Variants in MKLN1 observed in about 807,000 individuals in gnomAD.
MKLN1 encodes the protein muskelin.
A neutral mutation model predicts 99.0 loss-of-function variants in MKLN1; 18 were observed. The ratio of observed to expected loss-of-function variants is 0.18; its 90% CI spans 0.13 to 0.27. The LOEUF (loss-of-function observed/expected upper bound fraction) is 0.27, where lower values mean the gene tolerates loss of function less well. Among genes scored for constraint, MKLN1 ranks in the 10% least tolerant of loss-of-function variants. The pLI is 1.00. For synonymous variants in MKLN1, 288 were observed against 293.2 expected (o/e 0.98, Z 0.18); for missense variants, 621 against 875.9 (o/e 0.71, Z 3.67).
chr7:131,164,640 T>C (rs1371683457), intron 2 of MKLN1, among the ~76,000 whole-genome samples: 1 of 152,262 alleles, frequency 6.6e-6, no homozygotes, highest in East Asian at 1.9e-4. Context: ...TTGGCTTAAA[T>C]AGCTACATGG....
chr7:131,213,289 T>A (rs1796933644), intron 3 of MKLN1, among the ~76,000 whole-genome samples: 1 of 152,216 alleles, frequency 6.6e-6, no homozygotes, highest in African/African-American at 2.4e-5. Flanking sequence ...CCCAAAGAAC[T>A]AAGCCATTAC....
intron 11 of MKLN1, 109 bp from the exon 12 acceptor site, chr7:131,445,665 A>T: frequency 1.2e-6 from 1 of 820,230 alleles, no homozygotes; most frequent in Non-Finnish European, 1.9e-6. Flanking sequence ...CTCCATTGGG[A>T]TCTGTTATAA....
rs550352279 is a variant in MKLN1, at chr7:131,313,991, C to T, written c.-178-61433C>T. 4.6e-5 allele frequency among the ~76,000 whole-genome samples: 7 copies of T among 152,288 alleles called. No individual in the cohort carries two copies. In the South Asian group the frequency reaches 1.0e-3, roughly 23 times the overall value. On this transcript the variant is annotated intron_variant, in intron 3 of 7. Transcript: ENST00000416992. ...AACACTTTCATGGTGTACTTCAATA[C>T]AAAAACATTTCTCTAAGTATTTAAA...
chr7:131,361,595 CTT>C (rs200588778), intron 1 of MKLN1, among the ~76,000 whole-genome samples: 21 of 140,880 alleles, frequency 1.5e-4, no homozygotes, highest in South Asian at 2.2e-4. Context: ...TTCTGGCTTT[CTT>C]TTTTTTTTTT....
intron 10 of MKLN1, among the ~76,000 whole-genome samples, chr7:131,440,312 G>C (rs188949215): frequency 1.8e-4 from 27 of 152,302 alleles, no homozygotes; most frequent in Admixed American, 1.2e-3. Flanking sequence ...AGCCAGATGA[G>C]AGTCATAGAA....
At chr7:131,331,417 T>C (rs1799070894) in intron 1 of MKLN1, among the ~76,000 whole-genome samples, 1 of 152,256 alleles carries the variant, frequency 6.6e-6, no homozygotes, top group South Asian at 2.1e-4. Flanking sequence ...GAGATAAATA[T>C]TATTATTCTA....
chr7:131,244,150 AG>A (rs906058341), intron 3 of MKLN1, among the ~76,000 whole-genome samples: 3 of 152,186 alleles, frequency 2.0e-5, no homozygotes, highest in African/African-American at 7.2e-5. Context: ...TCTACTCCCC[AG>A]GGACCTGATG....
chr7:131,320,363 A>G (rs1191542924), intron 3 of MKLN1, among the ~76,000 whole-genome samples: 2 of 152,224 alleles, frequency 1.3e-5, no homozygotes, highest in East Asian at 1.9e-4. Context: ...TGCTGGGAAA[A>G]CTAGCTAGCC....
chr7:131,169,163 C>T (rs1796180206), intron 2 of MKLN1, among the ~76,000 whole-genome samples: 1 of 152,218 alleles, frequency 6.6e-6, no homozygotes, highest in African/African-American at 2.4e-5. Flanking sequence ...CCTCGCCCGG[C>T]CAGCCACCGT....
At chr7:131,210,980 C>A (rs1796897404) in intron 3 of MKLN1, among the ~76,000 whole-genome samples, 1 of 151,592 alleles carries the variant, frequency 6.6e-6, no homozygotes, top group Admixed American at 6.6e-5. Context: ...TATCTTCCAT[C>A]ACCATGGTGG....
intron 2 of MKLN1, among the ~76,000 whole-genome samples, chr7:131,376,099 T>TATATATAA: frequency 1.2e-3 from 1 of 842 alleles, no homozygotes; most frequent in South Asian, 0.056. Context: ...CATGGAAATA[T>TATATATAA]ATATATATAT....
intron 3 of MKLN1, among the ~76,000 whole-genome samples, chr7:131,282,208 G>A (rs925720176): frequency 6.6e-6 from 1 of 152,024 alleles, no homozygotes; most frequent in Non-Finnish European, 1.5e-5. Flanking sequence ...AATTAGCTGG[G>A]CATGGTGGCG....
At chr7:131,254,451 A>G (rs1004162674) in intron 3 of MKLN1, among the ~76,000 whole-genome samples, 1 of 152,228 alleles carries the variant, frequency 6.6e-6, no homozygotes, top group Non-Finnish European at 1.5e-5. Context: ...TCAACAGACT[A>G]CTTGAGGGCT....
chr7:131,337,622 G>T (rs1053391262), intron 1 of MKLN1, among the ~76,000 whole-genome samples: 1 of 151,708 alleles, frequency 6.6e-6, no homozygotes, highest in Admixed American at 6.6e-5. Flanking sequence ...TAATCAAATT[G>T]CTTTAAAGTC....
intron 3 of MKLN1, among the ~76,000 whole-genome samples, chr7:131,290,018 ATTC>A (rs1299030844): frequency 6.6e-6 from 1 of 152,184 alleles, no homozygotes. Flanking sequence ...TAAAATTGCA[ATTC>A]TTGGCCAGGT....
At chr7:131,405,475 T>C (rs922112938) in intron 6 of MKLN1, among the ~76,000 whole-genome samples, 3 of 152,158 alleles carry the variant, frequency 2.0e-5, no homozygotes, top group African/African-American at 7.2e-5. Context: ...CTGTTTACTG[T>C]TGTCTTCCTT....
intron 2 of MKLN1, among the ~76,000 whole-genome samples, chr7:131,376,371 C>G (rs918273841): frequency 1.0e-4 from 15 of 146,974 alleles, no homozygotes; most frequent in Non-Finnish European, 1.9e-4. Flanking sequence ...TGGCTGGGCG[C>G]GGTGGCTCAT....
intron 1 of MKLN1, among the ~76,000 whole-genome samples, chr7:131,331,982 T>G (rs1799090646): frequency 1.3e-5 from 2 of 152,214 alleles, no homozygotes; most frequent in African/African-American, 4.8e-5. Context: ...TTTTTCCTGT[T>G]AGTCTTATTA....
In MKLN1 at chr7:131,243,394, C is replaced by G. The variant is rs78323378; in HGVS notation, c.-179+40420C>G. Reference sequence around the variant, plus strand: ...CCGGCCTTTGTAATAATGTGTGAACCTGGACTCTGCAAACTCAAAACCTCA... The same window carrying G: ...CCGGCCTTTGTAATAATGTGTGAACGTGGACTCTGCAAACTCAAAACCTCA... On this transcript the variant is annotated intron_variant, in intron 3 of 7. Coordinates refer to the MKLN1 transcript ENST00000416992. 2.0e-5 allele frequency among the ~76,000 whole-genome samples: 3 copies of G among 152,248 alleles called. No homozygotes were observed. In the South Asian group the frequency reaches 6.2e-4, roughly 32 times the overall value.
Sources: allele counts gnomAD v4.1 joint callset (sites outside exome capture counted in the v4.1 genomes callset), GRCh38; gene constraint gnomAD v4.1.1; transcripts MANE v1.5; gene names NCBI Gene and HGNC (gene_info 2026-07-23, HGNC 2026-07-21).